Variants in NCKAP5 observed in about 807,000 individuals in gnomAD.
NCKAP5 encodes the protein nck-associated protein 5.
In NCKAP5, 92 loss-of-function variants were observed where a neutral mutation model predicts 167.0. That is an observed-to-expected ratio of 0.55 (90% CI 0.47 to 0.66). NCKAP5 has a LOEUF of 0.66. Ranked by LOEUF, NCKAP5 falls within the 30% of genes least tolerant of loss-of-function variation. The pLI is 0.00. For missense variants in NCKAP5, 2,378 were observed against 2,315.0 expected, an observed-to-expected ratio of 1.03 and a Z score of -0.56; for synonymous variants, 891 against 877.4, an observed-to-expected ratio of 1.02 and a Z score of -0.27.
At chr2:132,809,983 T>G (rs1300291488) in intron 11 of NCKAP5, among the ~76,000 whole-genome samples, 1 of 152,244 alleles carries the variant, frequency 6.6e-6, no homozygotes, top group Non-Finnish European at 1.5e-5. Context: ...GGCTTACTGA[T>G]GGCAAATTAT....
intron 3 of NCKAP5, among the ~76,000 whole-genome samples, chr2:133,358,794 C>T (rs1477907138): frequency 5.9e-5 from 9 of 152,192 alleles, no homozygotes; most frequent in Admixed American, 5.9e-4. Flanking sequence ...CTAACACTGA[C>T]CTGTTACTAA....
At chr2:133,039,027 C>T (rs964984864) in intron 6 of NCKAP5, among the ~76,000 whole-genome samples, 47 of 152,234 alleles carry the variant, frequency 3.1e-4, no homozygotes, top group Middle Eastern at 3.4e-3. Flanking sequence ...CAAATGAATT[C>T]AATGGGCAAG....
intron 4 of NCKAP5, among the ~76,000 whole-genome samples, chr2:133,274,201 TA>T (rs2089635794): frequency 6.6e-6 from 1 of 151,796 alleles, no homozygotes; most frequent in Non-Finnish European, 1.5e-5. Flanking sequence ...GTTTACTAGA[TA>T]AAAGAACAAT....
intron 7 of NCKAP5, among the ~76,000 whole-genome samples, chr2:132,985,179 G>T (rs893932849): frequency 6.6e-6 from 1 of 151,968 alleles, no homozygotes; most frequent in African/African-American, 2.4e-5. Flanking sequence ...CTTTTACTTG[G>T]TTAAGAACTC....
At chr2:133,555,373 C>A (rs1232820879) in intron 2 of NCKAP5, among the ~76,000 whole-genome samples, 1 of 152,132 alleles carries the variant, frequency 6.6e-6, no homozygotes, top group Non-Finnish European at 1.5e-5. Context: ...CCACAATGTC[C>A]TCTTCATTTT....
At chr2:132,780,962 C>T (rs963714698) in intron 15 of NCKAP5, 90 bp downstream of exon 15, 9 of 1,312,028 alleles carry the variant, frequency 6.9e-6, no homozygotes, top group African/African-American at 5.9e-5. Flanking sequence ...CAATCTCTTA[C>T]CCATACATTT....
intron 3 of NCKAP5, among the ~76,000 whole-genome samples, chr2:133,492,965 G>A: frequency 6.6e-6 from 1 of 152,186 alleles, no homozygotes; most frequent in East Asian, 1.9e-4. Context: ...ATGGCTATCA[G>A]AAAACAATGT....
intron 5 of NCKAP5, among the ~76,000 whole-genome samples, chr2:133,158,009 TG>T (rs1254185413): frequency 6.6e-6 from 1 of 152,202 alleles, no homozygotes; most frequent in African/African-American, 2.4e-5. Context: ...CAATGCATGT[TG>T]TATCATAAAA....
At chr2:133,050,414 G>T (rs1284366200) in intron 6 of NCKAP5, among the ~76,000 whole-genome samples, 1 of 152,108 alleles carries the variant, frequency 6.6e-6, no homozygotes, top group Admixed American at 6.6e-5. Context: ...TGTTAGGGGA[G>T]TTTATTTAGG....
chr2:132,736,506 C>T (rs1160562506), intron 16 of NCKAP5, among the ~76,000 whole-genome samples: 1 of 151,990 alleles, frequency 6.6e-6, no homozygotes, highest in Non-Finnish European at 1.5e-5. Context: ...CACAGCTGGG[C>T]GCGGTGGCTC....
At chr2:132,751,617 G>T (rs1250460676) in intron 16 of NCKAP5, among the ~76,000 whole-genome samples, 1 of 152,152 alleles carries the variant, frequency 6.6e-6, no homozygotes, top group Non-Finnish European at 1.5e-5. Context: ...CCTATTTCAA[G>T]GCCTCCATCA....
At chr2:132,816,378 G>A (rs775582145) in intron 11 of NCKAP5, among the ~76,000 whole-genome samples, 8 of 152,216 alleles carry the variant, frequency 5.3e-5, no homozygotes, top group Non-Finnish European at 1.0e-4. Context: ...CAGTAGGTTC[G>A]TTTTGCCAAT....
At chr2:133,553,773 A>T (rs563751770) in intron 2 of NCKAP5, among the ~76,000 whole-genome samples, 4 of 152,342 alleles carry the variant, frequency 2.6e-5, no homozygotes, top group Admixed American at 2.0e-4. Flanking sequence ...GGCTATATAC[A>T]TAATAAATGA....
intron 2 of NCKAP5, among the ~76,000 whole-genome samples, chr2:133,519,149 G>C (rs531222750): frequency 1.1e-4 from 16 of 152,264 alleles, no homozygotes; most frequent in Admixed American, 2.6e-4. Flanking sequence ...GCCTGAGATG[G>C]GGAATGCCCA....
At chr2:132,774,571 A>T (rs2104966010) in intron 15 of NCKAP5, among the ~76,000 whole-genome samples, 1 of 152,294 alleles carries the variant, frequency 6.6e-6, no homozygotes, top group African/African-American at 2.4e-5. Flanking sequence ...TCTACACAGA[A>T]TTTAATGAAG....
intron 5 of NCKAP5, among the ~76,000 whole-genome samples, chr2:133,132,311 T>A (rs1232863610): frequency 2.0e-5 from 3 of 149,166 alleles, no homozygotes; most frequent in Non-Finnish European, 3.0e-5. Context: ...GAATGTAAAG[T>A]TTTGCAGAGA....
intron 19 of NCKAP5, among the ~76,000 whole-genome samples, chr2:132,708,456 A>AG (rs1205891405): frequency 6.6e-6 from 1 of 152,096 alleles, no homozygotes; most frequent in African/African-American, 2.4e-5. Context: ...GGTCATGGGA[A>AG]GAGACTCCTT....
At chr2:132,850,501 A>C (rs1357729636) in intron 11 of NCKAP5, among the ~76,000 whole-genome samples, 1 of 151,888 alleles carries the variant, frequency 6.6e-6, no homozygotes, top group East Asian at 2.0e-4. Flanking sequence ...TGTTTGTAAA[A>C]CAGCACTAAT....
In NCKAP5 at chr2:133,016,599, G is replaced by A. The variant is rs114353582; in HGVS notation, c.342-22360C>T. 7.8e-3 allele frequency among the ~76,000 whole-genome samples: 1,191 copies of A among 152,268 alleles called. 12 individuals are homozygous for A. The highest frequency in any genetic ancestry group is 0.01 in the Middle Eastern group (3 of 294). The stretch of plus-strand genomic sequence containing the variant: ...GCTATAGAAGAAAGCGCGGTCTGAC[G>A]GCTATCTAAAATGAATCATAATAAA... On this transcript the variant is annotated intron_variant, in intron 6 of 19. Coordinates refer to ENST00000409261, the MANE Select transcript of NCKAP5 (RefSeq NM_207363.3).
Sources: allele counts gnomAD v4.1 joint callset (sites outside exome capture counted in the v4.1 genomes callset), GRCh38; gene constraint gnomAD v4.1.1; transcripts MANE v1.5; gene names NCBI Gene and HGNC (gene_info 2026-07-23, HGNC 2026-07-21).